AKR1D1: variants seen among roughly 807,000 people sequenced by gnomAD.
AKR1D1 encodes aldo-keto reductase family 1 member D1.
In AKR1D1, 32 loss-of-function variants were observed where a neutral mutation model predicts 42.6. The ratio of observed to expected loss-of-function variants is 0.75; its 90% CI spans 0.57 to 1.01. The LOEUF (loss-of-function observed/expected upper bound fraction) is 1.01. Ranked by LOEUF, AKR1D1 falls within the 50% of genes least tolerant of loss-of-function variation. AKR1D1 has a pLI of 0.00. For missense variants in AKR1D1, 364 were observed against 402.2 expected, an observed-to-expected ratio of 0.91 and a Z score of 0.81; for synonymous variants, 123 against 135.5, an observed-to-expected ratio of 0.91 and a Z score of 0.64.
Position 138,113,753 on chromosome 7 carries a change from C to G in AKR1D1, c.919C>G (p.Arg307Gly). ...KDIEALNKNV[R>G]FVELLMWRDH... is the part of the protein sequence containing the mutation. ...CATTGAAGCCTTGAATAAAAATGTC[C>G]GCTTTGTAGAATTGCTCATGTAAGT... Residue 307 changes from arginine to glycine, a missense_variant, in exon 8 of 9, where the codon CGC (arginine) becomes GGC (glycine). Coordinates refer to ENST00000242375, the MANE Select transcript of AKR1D1 (RefSeq NM_005989.4). The G allele has an allele frequency of 6.2e-7, 1 of 1,613,982 alleles. No individual in the cohort carries two copies. Among genetic ancestry groups the G allele is most frequent in the Non-Finnish European group, 8.5e-7 (1 of 1,179,932 alleles).
At chr7:138,090,960 C>T (rs907999581) in intron 2 of AKR1D1, among the ~76,000 whole-genome samples, 1 of 152,162 alleles carries the variant, frequency 6.6e-6, no homozygotes, top group African/African-American at 2.4e-5. Flanking sequence ...GCTTTCACAC[C>T]ACCTGTCACA....
At chr7:138,092,653 C>T (rs1163030713) in intron 3 of AKR1D1, among the ~76,000 whole-genome samples, 1 of 152,168 alleles carries the variant, frequency 6.6e-6, no homozygotes, top group African/African-American at 2.4e-5. Context: ...CAGCCGATTG[C>T]TCCTAGGCTA....
chr7:138,093,575 C>T (rs1585728636), intron 3 of AKR1D1, among the ~76,000 whole-genome samples: 1 of 152,120 alleles, frequency 6.6e-6, no homozygotes. Flanking sequence ...TCTTCCGGAG[C>T]AATAACACGC....
chr7:138,100,821 C>T (rs1794290553), intron 4 of AKR1D1, among the ~76,000 whole-genome samples: 1 of 149,822 alleles, frequency 6.7e-6, no homozygotes, highest in Admixed American at 6.7e-5. Flanking sequence ...TCTCTTGCCT[C>T]AGCCTCCCGA....
Position 138,111,942 on chromosome 7 carries a change from T to A in AKR1D1, c.856-1748T>A, listed in dbSNP as rs146015227. On this transcript the variant is annotated intron_variant, in intron 7 of 8. Coordinates refer to ENST00000242375, the MANE Select transcript of AKR1D1 (RefSeq NM_005989.4). ...ATAAAGAGAATAATTATCACAAAAA[T>A]TTTGGAGGGCTTTATCTGAAGGAGA... Among the ~76,000 whole-genome samples, 1,450 of 152,258 alleles carry A rather than the reference T, an allele frequency of 9.5e-3. 10 individuals are homozygous for A. Among genetic ancestry groups the A allele is most frequent in the Middle Eastern group, 0.02 (6 of 294 alleles).
At chr7:138,092,143 C>G (rs1794096764) in intron 3 of AKR1D1, among the ~76,000 whole-genome samples, 1 of 152,136 alleles carries the variant, frequency 6.6e-6, no homozygotes. Context: ...TGACAAATAC[C>G]CGAGAAGATT....
chr7:138,103,659 C>T (rs996651611), intron 4 of AKR1D1, among the ~76,000 whole-genome samples: 10 of 151,604 alleles, frequency 6.6e-5, no homozygotes, highest in Middle Eastern at 3.4e-3. Context: ...CACCAAATAC[C>T]GGAAAAAGTT....
intron 1 of AKR1D1, among the ~76,000 whole-genome samples, chr7:138,078,105 G>A (rs60741778): frequency 6.4e-4 from 98 of 152,270 alleles, no homozygotes; most frequent in African/African-American, 2.3e-3. Context: ...GGGACCACAG[G>A]CAGGTGCCAC....
At chr7:138,113,822 C>A in intron 8 of AKR1D1, 50 bp downstream of exon 8, 1 of 1,543,032 alleles carries the variant, frequency 6.5e-7, no homozygotes, top group South Asian at 1.1e-5. Flanking sequence ...ATTGAATGGT[C>A]ATGTGTCAAG....
rs59361346 is a variant in AKR1D1, at chr7:138,100,088, C to CAAAAAAAAAAAAAA, written c.456+2162_456+2175dup. Among the ~76,000 whole-genome samples the CAAAAAAAAAAAAAA allele has an allele frequency of 6.7e-4, 29 of 43,568 alleles. 2 individuals are homozygous for CAAAAAAAAAAAAAA. Among genetic ancestry groups the CAAAAAAAAAAAAAA allele is most frequent in the East Asian group, 2.0e-3 (2 of 996 alleles). 28.6% of individuals were successfully genotyped at this position (43,568 alleles called of 152,430 possible). A position where few individuals can be genotyped will look rare whatever the true frequency, so the allele number is the denominator to read the frequency against. On this transcript the variant is annotated intron_variant, in intron 4 of 8. Coordinates refer to ENST00000242375, the MANE Select transcript of AKR1D1 (RefSeq NM_005989.4). The stretch of plus-strand genomic sequence containing the variant: ...TGGGCAATATAGCGAGATTTCATCT[C>CAAAAAAAAAAAAAA]AAAAAAAAAAAAAAAAAAAAAAAAA...
intron 1 of AKR1D1, among the ~76,000 whole-genome samples, chr7:138,081,556 G>A (rs1388974742): frequency 4.7e-5 from 4 of 84,904 alleles, no homozygotes; most frequent in African/African-American, 1.4e-4. Context: ...ACAGACTTTC[G>A]CTCTTGTTGC....
rs569286230 is a variant in AKR1D1, at chr7:138,087,685, C to A, written c.94-916C>A. ...AAGCTTCCTCATGCCACTTTGTAAT[C>A]CCTCCTTCCACCCATACTTCCCCCA... On this transcript the variant is annotated intron_variant, in intron 1 of 8. Coordinates refer to ENST00000242375, the MANE Select transcript of AKR1D1 (RefSeq NM_005989.4). Among the ~76,000 whole-genome samples, 4 of 152,200 alleles carry A rather than the reference C, an allele frequency of 2.6e-5. No individual in the cohort carries two copies. The East Asian group carries it at 7.7e-4, about 29-fold the overall frequency.
At chr7:138,093,800 T>C (rs1213215966) in intron 3 of AKR1D1, among the ~76,000 whole-genome samples, 1 of 152,212 alleles carries the variant, frequency 6.6e-6, no homozygotes, top group African/African-American at 2.4e-5. Flanking sequence ...CTATACATGA[T>C]TATGTGTGTT....
chr7:138,091,749 C>T lies in AKR1D1; in HGVS notation c.262-19C>T. The T allele has an allele frequency of 6.4e-7, 1 of 1,550,784 alleles. No homozygotes were observed. Among genetic ancestry groups the T allele is most frequent in the Non-Finnish European group, 8.9e-7 (1 of 1,122,308 alleles). On this transcript the variant is annotated intron_variant, in intron 2 of 8. Transcript: ENST00000242375. ...AAGCGTGTAGACATTAGTTAATTCT[C>T]CCTCTTTGATTCTTTCAGCTATGGG...
chr7:138,098,408 G>C (rs1410535131), intron 4 of AKR1D1: 1 of 157,718 alleles, frequency 6.3e-6, no homozygotes, highest in South Asian at 1.8e-4. Flanking sequence ...TCAGGAGTTC[G>C]AAACCAGCCT....
At chr7:138,098,207 A>G in intron 4 of AKR1D1, 1 of 378,340 alleles carries the variant, frequency 2.6e-6, no homozygotes, top group East Asian at 4.6e-5. Context: ...ATGTTCTAAT[A>G]TAAAAGTAAT....
At chr7:138,100,249 A>T in intron 4 of AKR1D1, among the ~76,000 whole-genome samples, 1 of 152,046 alleles carries the variant, frequency 6.6e-6, no homozygotes, top group East Asian at 1.9e-4. Context: ...AACAGATGAG[A>T]AAAGTAGCAA....
rs1794646945 is a variant in AKR1D1 at position 138,116,998 on chromosome 7, T to A, written c.*336T>A. 1.5e-5 allele frequency: 4 copies of A among 264,940 alleles called. No homozygotes were observed. The highest frequency in any genetic ancestry group is 1.3e-3 in the Middle Eastern group (1 of 762). 16.4% of individuals were successfully genotyped at this position (264,940 alleles called of 1,614,324 possible). Reference sequence around the variant, plus strand: ...TAATTTATGAATCTGGGTAGTAGCGTTGGTAATCTGAGTTCTTTAAGGGTT... The same window carrying A: ...TAATTTATGAATCTGGGTAGTAGCGATGGTAATCTGAGTTCTTTAAGGGTT... On this transcript the variant is annotated 3_prime_UTR_variant, in exon 9 of 9. Transcript: ENST00000242375.
intron 1 of AKR1D1, among the ~76,000 whole-genome samples, chr7:138,083,182 T>G (rs929344291): frequency 6.6e-6 from 1 of 152,222 alleles, no homozygotes; most frequent in African/African-American, 2.4e-5. Context: ...GAGTTCTAAT[T>G]TCTCTACATC....
Sources: allele counts gnomAD v4.1 joint callset (sites outside exome capture counted in the v4.1 genomes callset), GRCh38; gene constraint gnomAD v4.1.1; transcripts MANE v1.5; gene names NCBI Gene and HGNC (gene_info 2026-07-23, HGNC 2026-07-21).